PTPRG: variants seen among roughly 807,000 people sequenced by gnomAD.
PTPRG encodes the protein receptor-type tyrosine-protein phosphatase gamma.
In PTPRG, 102 loss-of-function variants were observed where a neutral mutation model predicts 165.3. The observed-to-expected ratio is 0.62, with a 90% CI of 0.53 to 0.73. The LOEUF (loss-of-function observed/expected upper bound fraction) is 0.73, where lower values mean the gene tolerates loss of function less well. Ranked by LOEUF, PTPRG falls within the 30% of genes least tolerant of loss-of-function variation. PTPRG has a pLI of 0.00. For synonymous variants in PTPRG, 675 were observed against 669.5 expected, an observed-to-expected ratio of 1.01 and a Z score of -0.13; for missense variants, 1,866 against 1,861.4, an observed-to-expected ratio of 1.00 and a Z score of -0.05.
intron 2 of PTPRG, among the ~76,000 whole-genome samples, chr3:61,821,851 G>A (rs1288865539): frequency 6.6e-6 from 1 of 152,218 alleles, no homozygotes; most frequent in Non-Finnish European, 1.5e-5. Context: ...TTATGTGGTA[G>A]TCACAGTTAT....
intron 2 of PTPRG, among the ~76,000 whole-genome samples, chr3:61,849,138 G>A (rs977212545): frequency 2.6e-5 from 4 of 152,132 alleles, no homozygotes; most frequent in Non-Finnish European, 5.9e-5. Flanking sequence ...GAAACAAAAC[G>A]TCAAAGATTA....
At chr3:62,078,103 C>G in intron 4 of PTPRG, 60 bp from the exon 5 acceptor site, 1 of 1,203,640 alleles carries the variant, frequency 8.3e-7, no homozygotes, top group Non-Finnish European at 1.2e-6. Context: ...GTACTATTCT[C>G]TCAACTTTTT....
chr3:61,895,051 G>A (rs953402482), intron 2 of PTPRG, among the ~76,000 whole-genome samples: 8 of 152,160 alleles, frequency 5.3e-5, no homozygotes, highest in African/African-American at 1.4e-4. Context: ...CCAGATGGAC[G>A]TCGTTAAACA....
Position 62,203,728 on chromosome 3 carries a change from G to A in PTPRG, c.1933G>A (p.Glu645Lys), listed in dbSNP as rs1246594955. The change falls in exon 12 of 30, where the codon GAG becomes AAG. Residue 645 changes from glutamate (E) to lysine (K), a missense_variant. Physicochemically the swap from Glu to Lys is moderately conservative, Grantham distance 56 (BLOSUM62 1). Around this residue, in one of 3 missense-constraint regions of PTPRG, gnomAD observed 1,452 missense variants for 1,463.0 expected, o/e 0.99. Coordinates refer to ENST00000474889, the MANE Select transcript of PTPRG (RefSeq NM_002841.4). The surrounding 1 kb of genome is among the most constrained non-coding windows in gnomAD (Gnocchi z 6.4). ...AGGGCATCAGACTATACCTGGGCAT[G>A]AGCAGGATCACACTGCCGTCCCCAC... is the stretch of plus-strand genomic sequence containing the variant. Reference protein sequence around the residue: ...EGGHQTIPGHEQDHTAVPTDQ... With the variant: ...EGGHQTIPGHKQDHTAVPTDQ... 2 of 1,594,336 alleles carry A rather than the reference G, an allele frequency of 1.3e-6. No individual in the cohort carries two copies. Among genetic ancestry groups the A allele is most frequent in the Non-Finnish European group, 1.7e-6 (2 of 1,169,894 alleles).
At position 62,190,390 on chromosome 3, in the gene PTPRG, C is replaced by T. The variant is rs1367591659; in HGVS notation, c.1034-1079C>T. Among the ~76,000 whole-genome samples the T allele has an allele frequency of 1.3e-5, 2 of 152,198 alleles. No homozygotes were observed. Among genetic ancestry groups the T allele is most frequent in the African/African-American group, 2.4e-5 (1 of 41,442 alleles). ...CATGAAGGCAGGCAGCACGGCCACA[C>T]GGGTCTGGACACCCCTGAGAAAGCA... On this transcript the variant is annotated intron_variant, in intron 8 of 29. Coordinates refer to ENST00000474889, the MANE Select transcript of PTPRG (RefSeq NM_002841.4). This position sits in a 1 kb window ranked among gnomAD's most constrained non-coding sequence, Gnocchi z 5.2.
intron 1 of PTPRG, among the ~76,000 whole-genome samples, chr3:61,608,154 T>TG (rs1701065861): frequency 6.8e-6 from 1 of 147,666 alleles, no homozygotes; most frequent in Non-Finnish European, 1.5e-5. Context: ...TGCTGTTTGA[T>TG]GCCTTGTCAG....
chr3:61,786,323 G>A (rs1187480678), intron 2 of PTPRG, among the ~76,000 whole-genome samples: 1 of 152,176 alleles, frequency 6.6e-6, no homozygotes, highest in Non-Finnish European at 1.5e-5. Flanking sequence ...AAAGGACATA[G>A]ATTGTGGCTT....
intron 1 of PTPRG, chr3:61,743,052 G>A (rs796558135): frequency 2.5e-6 from 4 of 1,592,810 alleles, no homozygotes; most frequent in Non-Finnish European, 3.4e-6. Flanking sequence ...GCTGGTTCCG[G>A]TGCAGGACTT....
At chr3:62,026,048 A>G (rs905772338) in intron 4 of PTPRG, among the ~76,000 whole-genome samples, 1 of 152,244 alleles carries the variant, frequency 6.6e-6, no homozygotes, top group Non-Finnish European at 1.5e-5. Flanking sequence ...TAGGCATTAA[A>G]GTATGCAGTG....
rs1007554 is a variant in PTPRG at position 62,213,929 on chromosome 3, C to A, written c.2156-4922C>A. Among the ~76,000 whole-genome samples the A allele has an allele frequency of 4.7e-3, 713 of 152,226 alleles. 4 individuals carry two copies. The highest frequency in any genetic ancestry group is 0.016 in the African/African-American group (649 of 41,532). On this transcript the variant is annotated intron_variant, in intron 12 of 29. Transcript: ENST00000474889. This position sits in a 1 kb window ranked among gnomAD's most constrained non-coding sequence, Gnocchi z 4.4. The stretch of plus-strand genomic sequence containing the variant: ...AGTACGGGGGCCGTGCACAGTGGCT[C>A]ACACCTATAATCCCAGCACTTTGAG...
chr3:62,243,497 C>G (rs938150572), intron 14 of PTPRG: 1 of 206,208 alleles, frequency 4.8e-6, no homozygotes, highest in Non-Finnish European at 9.6e-6. Flanking sequence ...GTGAGATAAC[C>G]CTAGCACTCT....
chr3:62,044,746 C>T (rs917674800), intron 4 of PTPRG, among the ~76,000 whole-genome samples: 11 of 152,208 alleles, frequency 7.2e-5, no homozygotes, highest in African/African-American at 1.7e-4. Flanking sequence ...ATCTCAGATA[C>T]GTCATTGCCC....
intron 14 of PTPRG, among the ~76,000 whole-genome samples, chr3:62,241,182 A>G (rs1197942025): frequency 9.9e-5 from 15 of 152,146 alleles, no homozygotes; most frequent in East Asian, 1.9e-4. Flanking sequence ...TACTTTATCA[A>G]TTACTCCAGT....
At chr3:62,099,566 T>G (rs1702218832) in intron 5 of PTPRG, among the ~76,000 whole-genome samples, 1 of 151,752 alleles carries the variant, frequency 6.6e-6, no homozygotes, top group Non-Finnish European at 1.5e-5. Flanking sequence ...CACAGAAAGG[T>G]GGATGGAAAA....
intron 2 of PTPRG, among the ~76,000 whole-genome samples, chr3:61,879,433 T>C (rs973552967): frequency 6.6e-6 from 1 of 152,174 alleles, no homozygotes; most frequent in Non-Finnish European, 1.5e-5. Context: ...TCTTGTATTT[T>C]GGGGGATAAA....
chr3:62,294,338 AT>A lies in PTPRG; in HGVS notation c.*1032del, dbSNP rs1702995853. 1 of 152,128 alleles carries A rather than the reference AT, an allele frequency of 6.6e-6. No individual in the cohort carries two copies. Among genetic ancestry groups the A allele is most frequent in the Admixed American group, 6.6e-5 (1 of 15,260 alleles). The allele number at this position is 152,128 out of a possible 1,614,324, so 9.4% of individuals were successfully genotyped here. ...TTCTTTGCCAAATGTTTTATAATAA[AT>A]CTCTTAATTACATACATTTTTCTAC... On this transcript the variant is annotated 3_prime_UTR_variant, in exon 30 of 30. Transcript: ENST00000474889.
At chr3:61,738,301 T>TACAC (rs2032824859) in intron 1 of PTPRG, among the ~76,000 whole-genome samples, 1 of 84,312 alleles carries the variant, frequency 1.2e-5, no homozygotes, top group African/African-American at 4.3e-5. Context: ...TATATATATA[T>TACAC]ATATATATAT....
At chr3:62,006,457 A>G (rs1278046372) in intron 4 of PTPRG, among the ~76,000 whole-genome samples, 1 of 152,114 alleles carries the variant, frequency 6.6e-6, no homozygotes, top group African/African-American at 2.4e-5. Flanking sequence ...CGCTTGGTTT[A>G]TTTCTTTTCA....
chr3:61,925,976 C>T (rs2039199830), intron 2 of PTPRG: 1 of 465,658 alleles, frequency 2.1e-6, no homozygotes, highest in Non-Finnish European at 4.3e-6. Context: ...ACCAGCAGCA[C>T]CAGCGTCACC....
Sources: gnomAD v4.1 joint callset for allele counts (sites outside exome capture counted in the v4.1 genomes callset) on GRCh38, gnomAD v4.1.1 for gene constraint, gnomAD v4.1.1 regional missense constraint, Gnocchi (gnomAD v3.1) non-coding constraint, MANE v1.5 for transcripts, NCBI Gene and HGNC (gene_info 2026-07-23, HGNC 2026-07-21) for gene names.